The following KAZN variants were observed in gnomAD, a reference collection of about 807,000 sequenced individuals.
KAZN encodes kazrin, periplakin interacting protein.
KAZN carries 40 observed loss-of-function variants against 87.4 expected under a neutral mutation model. That is an observed-to-expected ratio of 0.46 (90% CI 0.36 to 0.60). The LOEUF (loss-of-function observed/expected upper bound fraction) is 0.60. KAZN is among the 20% of genes least tolerant of loss of function. The pLI, the probability that KAZN is intolerant of heterozygous loss-of-function variation, is 0.00. For missense variants in KAZN, 898 were observed against 1,073.9 expected (o/e 0.84, Z 2.29); for synonymous variants, 466 against 458.3 (o/e 1.02, Z -0.22).
intron 1 of KAZN, among the ~76,000 whole-genome samples, chr1:14,826,099 C>CGCTG (rs1557528919): frequency 6.6e-6 from 1 of 152,176 alleles, no homozygotes; most frequent in Non-Finnish European, 1.5e-5. Context: ...CCATGCTGGC[C>CGCTG]GCTGAGTCCC....
intron 2 of KAZN, among the ~76,000 whole-genome samples, chr1:14,998,812 A>AG (rs1384512624): frequency 2.0e-5 from 3 of 152,132 alleles, no homozygotes; most frequent in African/African-American, 7.2e-5. Context: ...GACCTCCCAC[A>AG]GTGCTGGGAT....
intron 2 of KAZN, among the ~76,000 whole-genome samples, chr1:14,307,279 C>A (rs59784026): frequency 8.5e-5 from 13 of 152,330 alleles, no homozygotes; most frequent in African/African-American, 2.9e-4. Context: ...TGTGCTTCCC[C>A]ACCATTTTTC....
intron 1 of KAZN, among the ~76,000 whole-genome samples, chr1:14,664,562 G>A (rs1047528409): frequency 3.3e-5 from 5 of 151,952 alleles, no homozygotes; most frequent in African/African-American, 7.3e-5. Flanking sequence ...TAGTAAGCTC[G>A]TTAAAAATTG....
At chr1:14,954,723 G>T (rs1662878168) in intron 1 of KAZN, among the ~76,000 whole-genome samples, 1 of 152,208 alleles carries the variant, frequency 6.6e-6, no homozygotes, top group African/African-American at 2.4e-5. Flanking sequence ...TTGGGAGACT[G>T]AGGCGGGCAG....
intron 2 of KAZN, among the ~76,000 whole-genome samples, chr1:14,990,607 C>T (rs879303768): frequency 3.9e-5 from 6 of 151,964 alleles, no homozygotes; most frequent in African/African-American, 1.5e-4. Flanking sequence ...TGCTTTTGAG[C>T]GACAACAGCA....
chr1:14,423,324 C>T (rs1404809774), intron 2 of KAZN, among the ~76,000 whole-genome samples: 1 of 152,180 alleles, frequency 6.6e-6, no homozygotes, highest in African/African-American at 2.4e-5. Flanking sequence ...ACAGCATGTA[C>T]TCTATTTTTC....
chr1:14,064,228 A>G (rs1049431854), intron 1 of KAZN, among the ~76,000 whole-genome samples: 2 of 152,178 alleles, frequency 1.3e-5, no homozygotes, highest in Non-Finnish European at 2.9e-5. Flanking sequence ...TTGTGTTTAC[A>G]TTGCCAGAAG....
At chr1:15,004,519 G>A (rs1228828714) in intron 2 of KAZN, among the ~76,000 whole-genome samples, 1 of 152,222 alleles carries the variant, frequency 6.6e-6, no homozygotes, top group East Asian at 1.9e-4. Flanking sequence ...GGGGACAATA[G>A]AGTTGACTTC....
At chr1:14,945,552 C>A (rs182880695) in intron 1 of KAZN, among the ~76,000 whole-genome samples, 9 of 152,332 alleles carry the variant, frequency 5.9e-5, no homozygotes, top group South Asian at 2.1e-4. Flanking sequence ...CCCCTCCCCC[C>A]ACCCCGGCTG....
At chr1:13,935,428 A>G (rs752907225) in intron 1 of KAZN, among the ~76,000 whole-genome samples, 1 of 152,150 alleles carries the variant, frequency 6.6e-6, no homozygotes, top group African/African-American at 2.4e-5. Flanking sequence ...ATTCAAACCC[A>G]CTCAATCTGG....
intron 2 of KAZN, among the ~76,000 whole-genome samples, chr1:14,317,720 T>C (rs1377420928): frequency 1.3e-5 from 2 of 151,968 alleles, no homozygotes; most frequent in African/African-American, 2.4e-5. Context: ...CATCAATGAA[T>C]TCTTGGAAAT....
intron 1 of KAZN, among the ~76,000 whole-genome samples, chr1:14,753,801 A>G (rs1047961788): frequency 6.6e-6 from 1 of 152,288 alleles, no homozygotes; most frequent in South Asian, 2.1e-4. Context: ...GCATATGCCC[A>G]GTGGGCAAGC....
chr1:14,020,093 A>T lies in KAZN; in HGVS notation c.91+126337A>T, dbSNP rs868043229. On this transcript the variant is annotated intron_variant, in intron 1 of 16. Coordinates refer to the KAZN transcript ENST00000636203. ...CATTAGATTCTCATCAGGAGCATGC[A>T]GCATAGATTTCTTGCATGCACAATT... 2.8e-4 allele frequency among the ~76,000 whole-genome samples: 43 copies of T among 152,132 alleles called. 1 individual carries two copies. Among genetic ancestry groups the T allele is most frequent in the African/African-American group, 9.9e-4 (41 of 41,480 alleles).
chr1:14,529,467 T>C (rs1027418572), intron 2 of KAZN, among the ~76,000 whole-genome samples: 1 of 152,182 alleles, frequency 6.6e-6, no homozygotes, highest in Admixed American at 6.5e-5. Context: ...TTTCAGATGT[T>C]TTAGCCCACA....
At position 15,042,638 on chromosome 1, in the gene KAZN, C is replaced by T. The variant is rs539057774; in HGVS notation, c.556-1351C>T. ...GGGAAACTGAGGCAGGGATGACTCA[C>T]AGCAGTCATTGCAAAGCCAGGATTT... On this transcript the variant is annotated intron_variant, in intron 3 of 14. Transcript: ENST00000376030. Among the ~76,000 whole-genome samples the T allele has an allele frequency of 1.2e-4, 19 of 152,318 alleles. No individual in the cohort carries two copies. In the South Asian group the frequency reaches 3.9e-3, roughly 32 times the overall value.
chr1:14,967,997 G>A (rs1372440799), intron 2 of KAZN, among the ~76,000 whole-genome samples: 11 of 152,328 alleles, frequency 7.2e-5, no homozygotes, highest in African/African-American at 2.4e-4. Context: ...GGTGTCCGGG[G>A]TTGGGGGATG....
At chr1:14,968,031 T>C (rs1216134729) in intron 2 of KAZN, among the ~76,000 whole-genome samples, 1 of 152,186 alleles carries the variant, frequency 6.6e-6, no homozygotes, top group Non-Finnish European at 1.5e-5. Flanking sequence ...TCCAGGGCAT[T>C]ACATGCACTA....
rs1013782992 is a variant in KAZN, at chr1:14,111,601, G to A, written c.92-68834G>A. Among the ~76,000 whole-genome samples, 7 of 134,304 alleles carry A rather than the reference G, an allele frequency of 5.2e-5. 2 individuals carry two copies. The South Asian group carries it at 1.8e-3, about 34-fold the overall frequency. The allele number at this position is 134,304 out of a possible 152,430, so 88.1% of individuals were successfully genotyped here. A position where few individuals can be genotyped will look rare whatever the true frequency, so the allele number is the denominator to read the frequency against. ...CAGCTGTGCTTTTTGAGGGTTGCAT[G>A]TGCACCTTGTAAAAGAGCCTCTGAT... On this transcript the variant is annotated intron_variant, in intron 1 of 16. Transcript: ENST00000636203.
rs1463284669 is a variant in KAZN at position 15,077,441 on chromosome 1, T to A, written c.1222+11688T>A. On this transcript the variant is annotated intron_variant, in intron 8 of 14. Transcript: ENST00000376030. This position sits in a 1 kb window ranked among gnomAD's most constrained non-coding sequence, Gnocchi z 4.8. Reference sequence around the variant, plus strand: ...ACGCTTGTTTCTCAACCCAGAGAAGTGTTCCCAAGACTTAGAGTGTTTGGG... The same window carrying A: ...ACGCTTGTTTCTCAACCCAGAGAAGAGTTCCCAAGACTTAGAGTGTTTGGG... 1.3e-5 allele frequency among the ~76,000 whole-genome samples: 2 copies of A among 152,172 alleles called. No individual in the cohort carries two copies. Among genetic ancestry groups the A allele is most frequent in the Non-Finnish European group, 2.9e-5 (2 of 68,028 alleles).
Sources: gnomAD v4.1 joint callset for allele counts (sites outside exome capture counted in the v4.1 genomes callset) on GRCh38, gnomAD v4.1.1 for gene constraint, Gnocchi (gnomAD v3.1) non-coding constraint, MANE v1.5 for transcripts, NCBI Gene and HGNC (gene_info 2026-07-23, HGNC 2026-07-21) for gene names.